The following SLC22A14 variants were observed in gnomAD, a reference collection of about 807,000 sequenced individuals.
The protein encoded by SLC22A14 is solute carrier family 22 member 14, also known as organic cation transporter-like 4.
Under a neutral mutation model 53.9 loss-of-function variants are expected in SLC22A14, and 50 were observed. That is an observed-to-expected ratio of 0.93 (90% CI 0.74 to 1.17). The LOEUF is 1.17. Among genes scored for constraint, SLC22A14 ranks in the 50% most tolerant of loss-of-function variants. The pLI is 0.00. For missense variants in SLC22A14, 671 were observed against 734.7 expected (o/e 0.91, Z 1.00); for synonymous variants, 312 against 303.0 (o/e 1.03, Z -0.31).
At chr3:38,317,023 C>A (rs181376166) in intron 10 of SLC22A14, among the ~76,000 whole-genome samples, 20 of 152,380 alleles carry the variant, frequency 1.3e-4, no homozygotes, top group Admixed American at 2.6e-4. Context: ...CCACCCAACA[C>A]CTCCATGGGC....
At chr3:38,315,515 G>A in intron 8 of SLC22A14, 43 bp from the exon 9 acceptor site, 2 of 1,591,172 alleles carry the variant, frequency 1.3e-6, no homozygotes, top group Admixed American at 1.7e-5. Flanking sequence ...TCTGGGAGGG[G>A]TCAAGGGAGG....
At chr3:38,279,407 T>A (rs1396992222), upstream of SLC22A14, among the ~76,000 whole-genome samples, 1 of 152,202 alleles carries the variant, frequency 6.6e-6, no homozygotes, top group Non-Finnish European at 1.5e-5. Flanking sequence ...GACGGAATGA[T>A]TGTCATTCCC....
intron 9 of SLC22A14, 48 bp downstream of exon 9, chr3:38,315,759 T>C: frequency 6.4e-7 from 1 of 1,569,840 alleles, no homozygotes; most frequent in Middle Eastern, 1.7e-4. Context: ...GCGCAGGGAG[T>C]GACAATGACA....
chr3:38,286,710 C>T (rs540409890), intron 1 of SLC22A14, among the ~76,000 whole-genome samples: 1 of 146,376 alleles, frequency 6.8e-6, no homozygotes, highest in Non-Finnish European at 1.5e-5. Flanking sequence ...CCGTGCCTGG[C>T]CCTGATTTGT....
chr3:38,293,408 T>A (rs1007538809), intron 1 of SLC22A14, among the ~76,000 whole-genome samples: 7 of 152,168 alleles, frequency 4.6e-5, no homozygotes, highest in African/African-American at 2.4e-5. Flanking sequence ...CTTCTCCTGA[T>A]CTCTATTATA....
chr3:38,303,787 C>T (rs972840321), intron 1 of SLC22A14: 7 of 152,096 alleles, frequency 4.6e-5, no homozygotes, highest in Non-Finnish European at 1.0e-4. Flanking sequence ...ATATGGAACA[C>T]TTTACAAATT....
upstream of SLC22A14, chr3:38,282,282 C>G (rs1254463754): frequency 6.5e-6 from 1 of 152,802 alleles, no homozygotes. Context: ...TTCCTGGACA[C>G]CAGTGGAGCT....
intron 1 of SLC22A14, 177 bp from the exon 2 acceptor site, chr3:38,305,850 G>C (rs917332306): frequency 1.5e-6 from 1 of 649,646 alleles, no homozygotes; most frequent in Non-Finnish European, 2.7e-6. Flanking sequence ...GTTGGGCCAG[G>C]GGGGAATAAA....
Position 38,316,513 on chromosome 3 carries a change from C to G in SLC22A14, c.1722C>G (p.Ser574=), listed in dbSNP as rs753783415. ...CCCTCTCCGAGAGCCTGAACCACTC[C>G]TCACAGATAAGGTAGGTGTGGGAGC... ...DQPLSESLNH[S]SQIRNKVKDM... is the part of the protein sequence containing the mutation. Residue 574 remains serine (S), a synonymous_variant, in exon 10 of 11, where the codon TCC becomes TCG. Transcript: ENST00000448498. 1 of 1,614,010 alleles carries G rather than the reference C, an allele frequency of 6.2e-7. No individual in the cohort carries two copies. Among genetic ancestry groups the G allele is most frequent in the Non-Finnish European group, 8.5e-7 (1 of 1,180,004 alleles).
intron 1 of SLC22A14, among the ~76,000 whole-genome samples, chr3:38,304,058 G>C (rs1294551409): frequency 6.6e-6 from 1 of 151,868 alleles, no homozygotes; most frequent in Non-Finnish European, 1.5e-5. Flanking sequence ...GGGCGTGGTG[G>C]CGGGCACCTG....
chr3:38,289,469 C>T (rs181890942), intron 1 of SLC22A14, among the ~76,000 whole-genome samples: 193 of 152,274 alleles, frequency 1.3e-3, no homozygotes, highest in Middle Eastern at 3.4e-3. Context: ...TGGCGGGCTG[C>T]TTCCAAGATG....
At chr3:38,294,970 T>C (rs1196640712) in intron 1 of SLC22A14, among the ~76,000 whole-genome samples, 2 of 152,244 alleles carry the variant, frequency 1.3e-5, no homozygotes, top group African/African-American at 4.8e-5. Context: ...TAAAGTTTTT[T>C]GATTCTGTAA....
At position 38,315,570 on chromosome 3, in the gene SLC22A14, T is replaced by C; in HGVS notation, c.1391T>C (p.Leu464Pro). ...TCACCCACCCCAGGGGAGGATGGCC[T>C]CAGACTCAAGTGGCCACGTTGTCCG... Reference protein sequence around the residue: ...LLFLPEGEDGLRLKWPRCPAT... With the variant: ...LLFLPEGEDGPRLKWPRCPAT... Residue 464 changes from leucine (L) to proline (P), a missense_variant, in exon 9 of 11, where the codon CTC becomes CCC. By Grantham distance (98) the Leu-to-Pro change is moderately conservative. Transcript: ENST00000448498. 6.2e-7 allele frequency: 1 copy of C among 1,613,876 alleles called. No homozygotes were observed.
intron 1 of SLC22A14, among the ~76,000 whole-genome samples, chr3:38,285,279 G>A (rs1266611562): frequency 6.6e-6 from 1 of 152,200 alleles, no homozygotes; most frequent in East Asian, 1.9e-4. Flanking sequence ...TGCAGGAAGA[G>A]CAGGAGTGGA....
chr3:38,311,072 G>A (rs200134660), intron 5 of SLC22A14, among the ~76,000 whole-genome samples: 5 of 152,174 alleles, frequency 3.3e-5, no homozygotes, highest in South Asian at 4.1e-4. Flanking sequence ...GGCAGTCCCC[G>A]CATCTATCTA....
At chr3:38,294,704 G>A (rs189897997) in intron 1 of SLC22A14, among the ~76,000 whole-genome samples, 3 of 152,138 alleles carry the variant, frequency 2.0e-5, no homozygotes, top group Non-Finnish European at 2.9e-5. Flanking sequence ...TATGCTCACC[G>A]ATGTAGCAGT....
chr3:38,313,486 G>T lies in SLC22A14; in HGVS notation c.1163+1G>T. On this transcript the variant is annotated splice_donor_variant, in intron 7 of 10. Transcript: ENST00000448498. LOFTEE classifies it high-confidence loss of function. The stretch of plus-strand genomic sequence containing the variant: ...TGACCTTGGTGATGAGCTGTGTGTG[G>T]TGAGTATCCAGGGCTCGCTGGCAGG... The T allele has an allele frequency of 6.2e-7, 1 of 1,603,354 alleles. No individual in the cohort carries two copies. The highest frequency in any genetic ancestry group is 1.1e-5 in the South Asian group (1 of 90,868).
At chr3:38,289,557 G>C (rs530140290) in intron 1 of SLC22A14, among the ~76,000 whole-genome samples, 3 of 152,310 alleles carry the variant, frequency 2.0e-5, no homozygotes, top group Admixed American at 1.3e-4. Context: ...GCCATGCGGT[G>C]AATGTTATAG....
At chr3:38,290,957 C>T (rs999706334) in intron 1 of SLC22A14, among the ~76,000 whole-genome samples, 2 of 152,186 alleles carry the variant, frequency 1.3e-5, no homozygotes, top group Admixed American at 1.3e-4. Context: ...CAATAATAAT[C>T]TCCTAGTGGC....
Sources: allele counts gnomAD v4.1 joint callset (sites outside exome capture counted in the v4.1 genomes callset), GRCh38; gene constraint gnomAD v4.1.1; transcripts MANE v1.5; gene names NCBI Gene and HGNC (gene_info 2026-07-23, HGNC 2026-07-21).